The following MCCC2 variants were observed in gnomAD, a reference collection of about 807,000 sequenced individuals.
MCCC2 encodes methylcrotonyl-CoA carboxylase subunit 2.
Under a neutral mutation model 77.2 loss-of-function variants are expected in MCCC2, and 52 were observed. The ratio of observed to expected loss-of-function variants is 0.67; its 90% confidence interval spans 0.54 to 0.85. MCCC2 has a LOEUF of 0.85. Ranked by LOEUF, MCCC2 falls within the 40% of genes least tolerant of loss-of-function variation. The pLI is 0.00. For synonymous variants in MCCC2, 253 were observed against 248.4 expected (o/e 1.02, Z -0.18); for missense variants, 682 against 703.2 (o/e 0.97, Z 0.34).
intron 6 of MCCC2, among the ~76,000 whole-genome samples, chr5:71,614,689 G>T (rs1381846284): frequency 6.6e-6 from 1 of 151,822 alleles, no homozygotes; most frequent in East Asian, 1.9e-4. Context: ...TTACTATGTT[G>T]CCCAGGCTGG....
intron 1 of MCCC2, among the ~76,000 whole-genome samples, chr5:71,591,882 C>T (rs895016313): frequency 7.9e-5 from 12 of 152,128 alleles, no homozygotes; most frequent in African/African-American, 2.2e-4. Context: ...TTGGTCAAGT[C>T]GCTGGGACAC....
intron 6 of MCCC2, among the ~76,000 whole-genome samples, chr5:71,611,793 CTT>C (rs561604734): frequency 7.8e-5 from 11 of 141,502 alleles, no homozygotes; most frequent in African/African-American, 7.7e-5. Flanking sequence ...CTTTTTTTTT[CTT>C]TTTTTTTTTT....
At chr5:71,603,666 A>G (rs1257223049) in intron 5 of MCCC2, among the ~76,000 whole-genome samples, 1 of 152,186 alleles carries the variant, frequency 6.6e-6, no homozygotes, top group African/African-American at 2.4e-5. Flanking sequence ...TAGGGGATAC[A>G]GTGAGGAGGA....
At chr5:71,596,431 G>C in intron 3 of MCCC2, 67 bp downstream of exon 3, 1 of 1,339,338 alleles carries the variant, frequency 7.5e-7, no homozygotes. Context: ...AGACAGTCTT[G>C]TAAATCAGTT....
At position 71,656,794 on chromosome 5, in the gene MCCC2, T is replaced by C. The variant is rs758918920; in HGVS notation, c.1626T>C (p.Gly542=). 15 of 1,614,018 alleles carry C rather than the reference T, an allele frequency of 9.3e-6. No individual in the cohort carries two copies. In the African/African-American group the frequency reaches 1.9e-4, roughly 20 times the overall value. The change falls in exon 17 of 17, where the codon GGT becomes GGC. Residue 542 remains glycine, a synonymous_variant. Coordinates refer to ENST00000340941, the MANE Select transcript of MCCC2 (RefSeq NM_022132.5). ...CAGCAGACACCAGACTGGTCTTGGG[T>C]CTCAGTTTTAGTGCAGCCCTCAACG... ...IDPADTRLVL[G]LSFSAALNAP...
At position 71,592,935 on chromosome 5, in the gene MCCC2, A is replaced by G. The variant is rs1265466191; in HGVS notation, c.139A>G (p.Lys47Glu). The change falls in exon 2 of 17, where the codon AAG (lysine) becomes GAG (glutamate). Residue 47 changes from lysine to glutamate, a missense_variant. Lys to Glu is a moderately conservative substitution (Grantham distance 56, BLOSUM62 1). Transcript: ENST00000340941. ...LGSALYQENY[K>E]QMKALVNQLH... ...TCTATTTCTGTTTTAGGAGAACTAC[A>G]AGCAGATGAAAGCACTAGTAAATCA... is the stretch of plus-strand genomic sequence containing the variant. The G allele has an allele frequency of 3.1e-6, 5 of 1,612,060 alleles. No individual in the cohort carries two copies. The highest frequency in any genetic ancestry group is 3.4e-6 in the Non-Finnish European group (4 of 1,178,630).
intron 12 of MCCC2, 138 bp downstream of exon 12, chr5:71,644,033 ATGTGTG>A (rs61210707): frequency 3.5e-4 from 195 of 558,262 alleles, no homozygotes; most frequent in Middle Eastern, 1.5e-3. Context: ...GTGCGCGGGC[ATGTGTG>A]TGTGTGTGTG....
intron 7 of MCCC2, 58 bp downstream of exon 7, chr5:71,626,811 C>G: frequency 7.2e-7 from 1 of 1,398,246 alleles, no homozygotes; most frequent in African/African-American, 1.4e-5. Context: ...TAAAATACAC[C>G]ATTTAAACTA....
Position 71,611,838 on chromosome 5 carries a change from G to T in MCCC2, c.624+7370G>T, listed in dbSNP as rs150133322. On this transcript the variant is annotated intron_variant, in intron 6 of 16. Transcript: ENST00000340941. ...GAGTCTTGCTCTGTTGCCCAGGCTG[G>T]AGTGCAGTGGTGCTACCTCGGCTCA... Among the ~76,000 whole-genome samples, 568 of 151,040 alleles carry T rather than the reference G, an allele frequency of 3.8e-3. 5 individuals carry two copies. Among genetic ancestry groups the T allele is most frequent in the African/African-American group, 0.013 (538 of 41,128 alleles).
intron 16 of MCCC2, among the ~76,000 whole-genome samples, chr5:71,655,035 T>C (rs898799444): frequency 6.6e-6 from 1 of 152,114 alleles, no homozygotes; most frequent in Non-Finnish European, 1.5e-5. Context: ...GGTTTCTCCA[T>C]GTTGGTCAGG....
Position 71,587,371 on chromosome 5 carries a change from G to A in MCCC2, c.-55G>A. On this transcript the variant is annotated 5_prime_UTR_variant, in exon 1 of 17. Transcript: ENST00000340941. ...CGCCCCAGCCAGGGAAGCGGCAGGG[G>A]AAAGCACCGGCTCCAGGCCAGCGTG... 1 of 1,524,120 alleles carries A rather than the reference G, an allele frequency of 6.6e-7. No individual in the cohort carries two copies. The highest frequency in any genetic ancestry group is 8.8e-7 in the Non-Finnish European group (1 of 1,141,602). 94.4% of individuals were successfully genotyped at this position (1,524,120 alleles called of 1,614,324 possible). A position where few individuals can be genotyped will look rare whatever the true frequency, so the allele number is the denominator to read the frequency against.
chr5:71,604,752 C>T (rs1242294028), intron 6 of MCCC2, among the ~76,000 whole-genome samples: 1 of 149,506 alleles, frequency 6.7e-6, no homozygotes, highest in East Asian at 2.0e-4. Context: ...CCACCACAGT[C>T]CCCAGAGTGT....
Position 71,657,184 on chromosome 5 carries a change from A to G in MCCC2, c.*324A>G. 1.1e-5 allele frequency: 3 copies of G among 275,102 alleles called. No individual in the cohort carries two copies. Among genetic ancestry groups the G allele is most frequent in the Admixed American group, 4.9e-5 (1 of 20,348 alleles). 17.0% of individuals were successfully genotyped at this position (275,102 alleles called of 1,614,324 possible). A position where few individuals can be genotyped will look rare whatever the true frequency, so the allele number is the denominator to read the frequency against. On this transcript the variant is annotated 3_prime_UTR_variant, in exon 17 of 17. Transcript: ENST00000340941. Reference sequence around the variant, plus strand: ...CAGTTCTGTAATCTGTATTATTGAGATGATTAATATAAAGTTGTATTTTCA... The same window carrying G: ...CAGTTCTGTAATCTGTATTATTGAGGTGATTAATATAAAGTTGTATTTTCA...
intron 1 of MCCC2, among the ~76,000 whole-genome samples, chr5:71,589,748 T>C (rs550388248): frequency 1.3e-5 from 2 of 152,334 alleles, no homozygotes; most frequent in South Asian, 4.1e-4. Flanking sequence ...TTTATGTGGT[T>C]TTACTCATGT....
intron 7 of MCCC2, among the ~76,000 whole-genome samples, chr5:71,627,195 A>T (rs1282435703): frequency 6.6e-6 from 1 of 152,222 alleles, no homozygotes; most frequent in Non-Finnish European, 1.5e-5. Context: ...AGGCTAAATA[A>T]TGTTCCATTG....
intron 2 of MCCC2, 147 bp downstream of exon 2, chr5:71,593,139 G>A: frequency 1.4e-6 from 1 of 695,454 alleles, no homozygotes. Context: ...CCAGGCTGGA[G>A]TGCAGTGGCG....
intron 6 of MCCC2, among the ~76,000 whole-genome samples, chr5:71,624,677 C>T (rs947065904): frequency 1.4e-5 from 2 of 140,480 alleles, no homozygotes; most frequent in African/African-American, 5.3e-5. Context: ...ACACCCAGCC[C>T]CTGCTTTCTT....
chr5:71,589,464 A>G (rs1207325983), intron 1 of MCCC2, among the ~76,000 whole-genome samples: 1 of 152,254 alleles, frequency 6.6e-6, no homozygotes, highest in African/African-American at 2.4e-5. Context: ...CCATTCCTGG[A>G]CTGAGGCTGA....
chr5:71,602,404 G>T (rs997459600), intron 4 of MCCC2, 102 bp from the exon 5 acceptor site: 3 of 1,419,960 alleles, frequency 2.1e-6, no homozygotes, highest in Non-Finnish European at 3.0e-6. Flanking sequence ...ATAGTGATAC[G>T]TACTAGAAGT....
Sources: gnomAD v4.1 joint callset for allele counts (sites outside exome capture counted in the v4.1 genomes callset) on GRCh38, gnomAD v4.1.1 for gene constraint, MANE v1.5 for transcripts, NCBI Gene and HGNC (gene_info 2026-07-23, HGNC 2026-07-21) for gene names.